DNER: variants seen among roughly 807,000 people sequenced by gnomAD.
DNER encodes delta/notch like EGF repeat containing, also known as delta and Notch-like epidermal growth factor-related receptor.
In DNER, 33 loss-of-function variants were observed where a neutral mutation model predicts 78.2. The observed-to-expected ratio is 0.42, with a 90% CI of 0.32 to 0.56. The LOEUF is 0.56. Ranked by LOEUF, DNER falls within the 20% of genes least tolerant of loss-of-function variation. The pLI is 0.11. For synonymous variants in DNER, 417 were observed against 384.8 expected (o/e 1.08, Z -0.98); for missense variants, 918 against 975.3 (o/e 0.94, Z 0.78).
At chr2:229,408,793 G>A (rs946758313) in intron 9 of DNER, among the ~76,000 whole-genome samples, 1 of 152,096 alleles carries the variant, frequency 6.6e-6, no homozygotes. Context: ...ATTTGAGCCA[G>A]GTAAAGCTCA....
chr2:229,645,594 A>G (rs1698704043), intron 1 of DNER, among the ~76,000 whole-genome samples: 1 of 152,220 alleles, frequency 6.6e-6, no homozygotes, highest in African/African-American at 2.4e-5. Context: ...TATCCTTCAA[A>G]TCAGGTCACC....
intron 11 of DNER, among the ~76,000 whole-genome samples, chr2:229,372,167 A>C (rs1290718737): frequency 6.6e-6 from 1 of 152,244 alleles, no homozygotes; most frequent in Non-Finnish European, 1.5e-5. Flanking sequence ...GATGGAAAGC[A>C]AGGGAAAATA....
intron 10 of DNER, among the ~76,000 whole-genome samples, chr2:229,397,785 G>A (rs1456239024): frequency 6.6e-6 from 1 of 152,062 alleles, no homozygotes; most frequent in Non-Finnish European, 1.5e-5. Context: ...ATGGATCAAA[G>A]AGGAAATCTA....
intron 1 of DNER, among the ~76,000 whole-genome samples, chr2:229,676,459 A>G (rs1699302806): frequency 6.6e-6 from 1 of 152,250 alleles, no homozygotes; most frequent in Non-Finnish European, 1.5e-5. Flanking sequence ...AATGAGCATT[A>G]AGAAATAATC....
At chr2:229,439,329 G>A (rs748757837) in intron 8 of DNER, among the ~76,000 whole-genome samples, 2 of 152,184 alleles carry the variant, frequency 1.3e-5, no homozygotes, top group African/African-American at 4.8e-5. Context: ...CCCAAGTAAC[G>A]GAATATCCAA....
Position 229,610,212 on chromosome 2 carries a change from T to G in DNER, c.277-18324A>C, listed in dbSNP as rs572412907. Among the ~76,000 whole-genome samples, 4 of 152,280 alleles carry G rather than the reference T, an allele frequency of 2.6e-5. No homozygotes were observed. The South Asian group carries it at 8.3e-4, about 32-fold the overall frequency. ...AAATAAACAGGAAGGATGAGTGTCC[T>G]TTATCAATGAAGAGAGCAAATGACA... On this transcript the variant is annotated intron_variant, in intron 1 of 12. Coordinates refer to ENST00000341772, the MANE Select transcript of DNER (RefSeq NM_139072.4).
At chr2:229,519,670 C>T (rs1696055630) in intron 5 of DNER, among the ~76,000 whole-genome samples, 1 of 152,120 alleles carries the variant, frequency 6.6e-6, no homozygotes, top group African/African-American at 2.4e-5. Context: ...GCATACAGTC[C>T]CCTCATTACT....
chr2:229,533,790 G>A (rs906641820), intron 5 of DNER, among the ~76,000 whole-genome samples: 4 of 152,166 alleles, frequency 2.6e-5, no homozygotes, highest in Non-Finnish European at 5.9e-5. Flanking sequence ...TGAACAAAGT[G>A]AGCCTGTCAC....
intron 4 of DNER, among the ~76,000 whole-genome samples, chr2:229,571,126 C>T (rs1697211746): frequency 2.0e-5 from 3 of 151,986 alleles, no homozygotes; most frequent in South Asian, 4.2e-4. Flanking sequence ...ATGCTAGTAG[C>T]CGTGAAGGTG....
At chr2:229,443,975 G>T (rs749576672) in intron 8 of DNER, among the ~76,000 whole-genome samples, 1 of 152,128 alleles carries the variant, frequency 6.6e-6, no homozygotes, top group Non-Finnish European at 1.5e-5. Flanking sequence ...TCAGCTCCCA[G>T]GTTCAACAAG....
chr2:229,679,862 C>T (rs559563219), intron 1 of DNER, among the ~76,000 whole-genome samples: 1 of 152,230 alleles, frequency 6.6e-6, no homozygotes, highest in Non-Finnish European at 1.5e-5. Context: ...AATTCCACCA[C>T]TCTTCAGGAG....
intron 1 of DNER, among the ~76,000 whole-genome samples, chr2:229,663,412 C>T (rs932891350): frequency 1.3e-5 from 2 of 152,216 alleles, no homozygotes; most frequent in African/African-American, 2.4e-5. Flanking sequence ...TTCCTTAGCA[C>T]GTGAACAAAC....
At chr2:229,563,149 C>A (rs1225725177) in intron 4 of DNER, among the ~76,000 whole-genome samples, 8 of 105,850 alleles carry the variant, frequency 7.6e-5, no homozygotes, top group African/African-American at 1.5e-4. Context: ...CATCATCATC[C>A]TCCTCACCCC....
intron 11 of DNER, among the ~76,000 whole-genome samples, chr2:229,378,866 C>G (rs1362891700): frequency 2.0e-5 from 3 of 152,096 alleles, no homozygotes; most frequent in South Asian, 2.1e-4. Context: ...TGATTCAGAC[C>G]CAATTATCTA....
At chr2:229,610,084 C>T (rs893410508) in intron 1 of DNER, among the ~76,000 whole-genome samples, 2 of 152,132 alleles carry the variant, frequency 1.3e-5, no homozygotes, top group Non-Finnish European at 2.9e-5. Flanking sequence ...TTCTGTTTGA[C>T]GTAAAATATT....
intron 6 of DNER, among the ~76,000 whole-genome samples, chr2:229,507,256 G>A (rs564093409): frequency 3.3e-5 from 5 of 152,184 alleles, no homozygotes; most frequent in East Asian, 1.9e-4. Context: ...CTGTTTATGC[G>A]GTCCATCACT....
chr2:229,610,829 A>G (rs977955257), intron 1 of DNER, among the ~76,000 whole-genome samples: 1 of 152,266 alleles, frequency 6.6e-6, no homozygotes, highest in African/African-American at 2.4e-5. Flanking sequence ...CGCTGCTTAC[A>G]TCCACAGTTC....
intron 1 of DNER, among the ~76,000 whole-genome samples, chr2:229,672,408 AG>A (rs1043483653): frequency 1.0e-4 from 15 of 149,354 alleles, no homozygotes; most frequent in Non-Finnish European, 2.2e-4. Flanking sequence ...TGAAGGAGGG[AG>A]GGGGGAGAGA....
At chr2:229,542,171 A>C (rs1005513831) in intron 5 of DNER, among the ~76,000 whole-genome samples, 8 of 152,124 alleles carry the variant, frequency 5.3e-5, no homozygotes, top group Non-Finnish European at 8.8e-5. Context: ...GTAATTAAGG[A>C]GTCAATCACC....
Sources: allele counts gnomAD v4.1 joint callset (sites outside exome capture counted in the v4.1 genomes callset), GRCh38; gene constraint gnomAD v4.1.1; transcripts MANE v1.5; gene names NCBI Gene and HGNC (gene_info 2026-07-23, HGNC 2026-07-21).